The following INPP5F variants were observed in gnomAD, a reference collection of about 807,000 sequenced individuals.
INPP5F encodes the protein phosphatidylinositide 4-phosphatase SAC2.
A neutral mutation model predicts 137.2 loss-of-function variants in INPP5F; 97 were observed. The observed-to-expected ratio is 0.71, with a 90% CI of 0.60 to 0.84. The LOEUF is 0.84. Among genes scored for constraint, INPP5F ranks in the 40% least tolerant of loss-of-function variants. The probability of loss-of-function intolerance (pLI) is 0.00; values close to 1 mark genes in which losing one functional copy is unlikely to be tolerated. For synonymous variants in INPP5F, 504 were observed against 476.9 expected (o/e 1.06, Z -0.74); for missense variants, 1,271 against 1,371.9 (o/e 0.93, Z 1.16).
intron 3 of INPP5F, among the ~76,000 whole-genome samples, chr10:119,782,824 G>A (rs1849753124): frequency 6.6e-6 from 1 of 152,080 alleles, no homozygotes; most frequent in Non-Finnish European, 1.5e-5. Flanking sequence ...CTGAACATCA[G>A]GTAACAGCAA....
At chr10:119,826,058 C>T (rs1851746369) in intron 19 of INPP5F, 1 of 398,230 alleles carries the variant, frequency 2.5e-6, no homozygotes, top group Admixed American at 4.4e-5. Flanking sequence ...AGTCTTACTC[C>T]TGTCTCCCCC....
At chr10:119,747,084 C>T (rs545546671) in intron 1 of INPP5F, among the ~76,000 whole-genome samples, 7 of 151,932 alleles carry the variant, frequency 4.6e-5, no homozygotes, top group African/African-American at 1.2e-4. Context: ...CCACCATGCC[C>T]GGCCATAAGC....
intron 16 of INPP5F, among the ~76,000 whole-genome samples, 153 bp from the exon 17 acceptor site, chr10:119,822,278 G>T (rs1260145257): frequency 6.6e-6 from 1 of 152,102 alleles, no homozygotes; most frequent in Non-Finnish European, 1.5e-5. Flanking sequence ...ATTTTTAACA[G>T]AGTTCTTATG....
At chr10:119,728,274 C>G (rs939772556) in intron 1 of INPP5F, among the ~76,000 whole-genome samples, 1 of 152,184 alleles carries the variant, frequency 6.6e-6, no homozygotes, top group Admixed American at 6.6e-5. Context: ...TTAAGGTGTT[C>G]AGGATAGCCA....
At chr10:119,796,310 A>T (rs960297035) in intron 6 of INPP5F, among the ~76,000 whole-genome samples, 1 of 152,176 alleles carries the variant, frequency 6.6e-6, no homozygotes, top group African/African-American at 2.4e-5. Context: ...GGAGTTGAGA[A>T]TCATAATCAT....
intron 3 of INPP5F, 37 bp downstream of exon 3, chr10:119,781,808 T>C: frequency 1.3e-6 from 2 of 1,521,012 alleles, no homozygotes; most frequent in East Asian, 2.3e-5. Flanking sequence ...GGAAACCTGA[T>C]ATAAATGTAA....
chr10:119,794,493 A>G (rs920515029), intron 6 of INPP5F, among the ~76,000 whole-genome samples: 5 of 151,352 alleles, frequency 3.3e-5, no homozygotes, highest in Middle Eastern at 3.4e-3. Flanking sequence ...ATTCCACAAA[A>G]CCGCCATTGT....
At chr10:119,730,370 G>A (rs192220401) in intron 1 of INPP5F, among the ~76,000 whole-genome samples, 5 of 152,200 alleles carry the variant, frequency 3.3e-5, no homozygotes, top group African/African-American at 7.2e-5. Context: ...CCGGCCTCCC[G>A]AAGTGCTGGG....
chr10:119,757,757 C>T (rs1016948448), intron 2 of INPP5F, among the ~76,000 whole-genome samples: 6 of 152,060 alleles, frequency 3.9e-5, no homozygotes, highest in African/African-American at 1.4e-4. Flanking sequence ...TGCCACTGCA[C>T]TCCAGCCTGG....
chr10:119,749,745 A>G (rs1210549231), intron 1 of INPP5F, among the ~76,000 whole-genome samples: 1 of 152,232 alleles, frequency 6.6e-6, no homozygotes, highest in African/African-American at 2.4e-5. Context: ...ATGATAATGT[A>G]TTATAATAGC....
intron 2 of INPP5F, among the ~76,000 whole-genome samples, chr10:119,778,915 G>A (rs765000672): frequency 3.9e-5 from 6 of 152,070 alleles, no homozygotes; most frequent in South Asian, 2.1e-4. Flanking sequence ...AAACATTACC[G>A]TTGTTCTAAG....
At position 119,828,950 on chromosome 10, in the gene INPP5F, G is replaced by T. The variant is rs996909929; in HGVS notation, c.*1170G>T. 6.6e-6 allele frequency: 1 copy of T among 152,648 alleles called. No individual in the cohort carries two copies. Among genetic ancestry groups the T allele is most frequent in the African/African-American group, 2.4e-5 (1 of 41,444 alleles). 9.5% of individuals were successfully genotyped at this position (152,648 alleles called of 1,614,324 possible). On this transcript the variant is annotated 3_prime_UTR_variant, in exon 20 of 20. Coordinates refer to ENST00000650623, the MANE Select transcript of INPP5F (RefSeq NM_014937.4). ...CTGTAATCCCCACAGTAAGAAAGTTGTATGGCATATTCCAACAAGTATTGG... is the reference window on the plus strand; with the variant it reads ...CTGTAATCCCCACAGTAAGAAAGTTTTATGGCATATTCCAACAAGTATTGG...
chr10:119,825,522 G>A (rs1851721968), intron 19 of INPP5F, among the ~76,000 whole-genome samples: 2 of 152,136 alleles, frequency 1.3e-5, no homozygotes, highest in African/African-American at 2.4e-5. Context: ...GAGAGCAAGG[G>A]CCCTGCAAGG....
At chr10:119,820,108 C>T (rs938251342) in intron 15 of INPP5F, among the ~76,000 whole-genome samples, 1 of 152,048 alleles carries the variant, frequency 6.6e-6, no homozygotes, top group African/African-American at 2.4e-5. Context: ...CAGATTCTGC[C>T]TGTGTTGTTA....
At chr10:119,797,326 CTG>C in intron 7 of INPP5F, 133 bp from the exon 8 acceptor site, 2 of 684,262 alleles carry the variant, frequency 2.9e-6, no homozygotes, top group Non-Finnish European at 4.9e-6. Context: ...TAAGTTGATA[CTG>C]TTCTGCTTGG....
intron 1 of INPP5F, among the ~76,000 whole-genome samples, chr10:119,733,635 C>G (rs138817207): frequency 6.6e-6 from 1 of 152,030 alleles, no homozygotes; most frequent in African/African-American, 2.4e-5. Context: ...TGTAGAATCA[C>G]TGGTTCCTAG....
Position 119,795,277 on chromosome 10 carries a change from C to T in INPP5F, c.670-1438C>T, listed in dbSNP as rs373036860. 5.3e-5 allele frequency among the ~76,000 whole-genome samples: 8 copies of T among 151,586 alleles called. No homozygotes were observed. The South Asian group carries it at 6.3e-4, about 12-fold the overall frequency. On this transcript the variant is annotated intron_variant, in intron 6 of 19. Coordinates refer to ENST00000650623, the MANE Select transcript of INPP5F (RefSeq NM_014937.4). ...GGGGCTGACCCCCCTACCTCCCTCG[C>T]GGACGAGGTGGCTGCCAGGCGGAGA...
At chr10:119,823,722 G>T in intron 18 of INPP5F, 93 bp from the exon 19 acceptor site, 3 of 858,786 alleles carry the variant, frequency 3.5e-6, no homozygotes, top group South Asian at 4.2e-5. Context: ...ATTATACGAC[G>T]ACAAATTTCA....
chr10:119,820,711 A>G, intron 15 of INPP5F, 135 bp from the exon 16 acceptor site: 1 of 662,908 alleles, frequency 1.5e-6, no homozygotes, highest in Non-Finnish European at 2.8e-6. Flanking sequence ...CTGCAGTAGA[A>G]CTCATTGATT....
Sources: allele counts gnomAD v4.1 joint callset (sites outside exome capture counted in the v4.1 genomes callset), GRCh38; gene constraint gnomAD v4.1.1; transcripts MANE v1.5; gene names NCBI Gene and HGNC (gene_info 2026-07-23, HGNC 2026-07-21).